Variants in CLEC16A observed in about 807,000 individuals in gnomAD.
CLEC16A encodes C-type lectin domain containing 16A.
A neutral mutation model predicts 109.5 loss-of-function variants in CLEC16A; 51 were observed. The observed-to-expected ratio is 0.47, with a 90% CI of 0.37 to 0.59. The LOEUF is 0.59. Ranked by LOEUF, CLEC16A falls within the 20% of genes least tolerant of loss-of-function variation. CLEC16A has a pLI of 0.00. For synonymous variants in CLEC16A, 673 were observed against 564.2 expected, an observed-to-expected ratio of 1.19 and a Z score of -2.73; for missense variants, 1,339 against 1,394.0, an observed-to-expected ratio of 0.96 and a Z score of 0.63.
intron 22 of CLEC16A, among the ~76,000 whole-genome samples, chr16:11,127,848 C>A (rs1281808599): frequency 6.6e-6 from 1 of 152,048 alleles, no homozygotes; most frequent in African/African-American, 2.4e-5. Context: ...CCAGCCTGGG[C>A]AACAGAGTGA....
At chr16:10,968,893 A>G (rs1194212484) in intron 3 of CLEC16A, among the ~76,000 whole-genome samples, 1 of 152,290 alleles carries the variant, frequency 6.6e-6, no homozygotes, top group Non-Finnish European at 1.5e-5. Context: ...CATCAATGAA[A>G]AGAAAATGTT....
intron 22 of CLEC16A, among the ~76,000 whole-genome samples, chr16:11,160,692 C>T (rs2054693338): frequency 6.6e-6 from 1 of 152,212 alleles, no homozygotes; most frequent in African/African-American, 2.4e-5. Context: ...AGTTCAACTA[C>T]ATAGTAAAGA....
At chr16:11,025,410 C>T (rs1017193862) in intron 13 of CLEC16A, among the ~76,000 whole-genome samples, 11 of 152,158 alleles carry the variant, frequency 7.2e-5, no homozygotes, top group Admixed American at 2.0e-4. Flanking sequence ...CTGGCTTCCC[C>T]TATTAAGGCT....
chr16:11,105,994 A>G (rs2051197015), intron 19 of CLEC16A, among the ~76,000 whole-genome samples: 1 of 152,180 alleles, frequency 6.6e-6, no homozygotes, highest in Non-Finnish European at 1.5e-5. Flanking sequence ...AATCCTTGCT[A>G]TTCAACTTGG....
rs374911962 is a variant in CLEC16A at position 11,051,716 on chromosome 16, C to T, written c.1995+75C>T. The T allele has an allele frequency of 2.0e-5, 31 of 1,568,860 alleles. 1 individual carries two copies. In the East Asian group the frequency reaches 2.5e-4, roughly 13 times the overall value. ...CACTCCCAGACCAGGGAGGAAAGGG[C>T]TTCTTTGTCAAAGTCAAGAGCCTGC... On this transcript the variant is annotated intron_variant, in intron 18 of 23. Coordinates refer to ENST00000409790, the MANE Select transcript of CLEC16A (RefSeq NM_015226.3).
intron 19 of CLEC16A, among the ~76,000 whole-genome samples, chr16:11,094,736 G>C (rs2050507892): frequency 6.6e-6 from 1 of 152,198 alleles, no homozygotes; most frequent in Non-Finnish European, 1.5e-5. Context: ...CTGCCGTGTA[G>C]TTTCTAATGT....
At chr16:11,091,991 G>A (rs1466323679) in intron 19 of CLEC16A, among the ~76,000 whole-genome samples, 3 of 152,116 alleles carry the variant, frequency 2.0e-5, no homozygotes, top group Non-Finnish European at 4.4e-5. Context: ...TCTCACTGTA[G>A]GGTCTGCTTG....
intron 2 of CLEC16A, 67 bp downstream of exon 2, chr16:10,957,977 A>C: frequency 3.4e-6 from 5 of 1,491,328 alleles, no homozygotes; most frequent in East Asian, 2.3e-5. Context: ...AATGTATACT[A>C]TGAGTCATTC....
chr16:10,994,151 A>G (rs2044193851), intron 10 of CLEC16A, among the ~76,000 whole-genome samples: 1 of 152,194 alleles, frequency 6.6e-6, no homozygotes, highest in Non-Finnish European at 1.5e-5. Flanking sequence ...CTGGTAATTC[A>G]TGGAGAAGAA....
intron 16 of CLEC16A, among the ~76,000 whole-genome samples, chr16:11,044,963 G>T (rs1304701480): frequency 6.8e-6 from 1 of 147,528 alleles, no homozygotes. Context: ...CCGTGGTTTT[G>T]TTTTAGCTTT....
intron 19 of CLEC16A, among the ~76,000 whole-genome samples, chr16:11,082,073 T>A (rs1353548266): frequency 1.3e-5 from 2 of 152,212 alleles, no homozygotes; most frequent in African/African-American, 4.8e-5. Context: ...GAAAACATTC[T>A]GATTCAGGCC....
At chr16:11,162,133 C>T (rs1423560440) in intron 22 of CLEC16A, among the ~76,000 whole-genome samples, 5 of 152,190 alleles carry the variant, frequency 3.3e-5, no homozygotes, top group African/African-American at 9.7e-5. Flanking sequence ...AATGCCAGAG[C>T]GTTATTCATT....
intron 22 of CLEC16A, among the ~76,000 whole-genome samples, chr16:11,135,786 G>A (rs1460554898): frequency 1.3e-5 from 2 of 152,254 alleles, no homozygotes; most frequent in Admixed American, 1.3e-4. Context: ...AGCCATGCCG[G>A]CAGCACAGCA....
intron 13 of CLEC16A, chr16:11,027,221 G>A (rs1040208900): frequency 1.1e-4 from 164 of 1,448,260 alleles, no homozygotes; most frequent in Non-Finnish European, 1.5e-4. Context: ...AACCTGACAA[G>A]GTGCATCTCA....
intron 13 of CLEC16A, chr16:11,027,029 G>T: frequency 6.4e-7 from 1 of 1,570,078 alleles, no homozygotes. Flanking sequence ...GAAAGATGGC[G>T]GAGGAAGAGC....
At chr16:11,099,444 G>A (rs562031935) in intron 19 of CLEC16A, among the ~76,000 whole-genome samples, 1 of 152,254 alleles carries the variant, frequency 6.6e-6, no homozygotes, top group Non-Finnish European at 1.5e-5. Flanking sequence ...AACGGAAAAA[G>A]GATATTTAAT....
At chr16:11,134,336 G>A (rs1597507727) in intron 22 of CLEC16A, among the ~76,000 whole-genome samples, 1 of 152,148 alleles carries the variant, frequency 6.6e-6, no homozygotes, top group Non-Finnish European at 1.5e-5. Context: ...GCTATAATTT[G>A]GAAGAATTAA....
Position 10,982,971 on chromosome 16 carries a change from C to A in CLEC16A, c.1051C>A (p.Gln351Lys). Residue 351 changes from glutamine to lysine, a missense_variant, in exon 10 of 24, where the codon CAG (glutamine) becomes AAG (lysine). Coordinates refer to ENST00000409790, the MANE Select transcript of CLEC16A (RefSeq NM_015226.3). ...GTCTGAGATGTACGCTAAGACTGAA[C>A]AGGATATTCAGAGAAGTTCTGTAAG... The part of the protein sequence containing the change: ...DLSEMYAKTE[Q>K]DIQRSSAKPS... 6.2e-7 allele frequency: 1 copy of A among 1,605,154 alleles called. No homozygotes were observed. The highest frequency in any genetic ancestry group is 1.1e-5 in the South Asian group (1 of 90,876).
At chr16:11,043,911 T>C in intron 15 of CLEC16A, 117 bp from the exon 16 acceptor site, 1 of 656,226 alleles carries the variant, frequency 1.5e-6, no homozygotes, top group Non-Finnish European at 2.5e-6. Context: ...TTTTATACAT[T>C]AAGGATATTA....
Sources: allele counts gnomAD v4.1 joint callset (sites outside exome capture counted in the v4.1 genomes callset), GRCh38; gene constraint gnomAD v4.1.1; transcripts MANE v1.5; gene names NCBI Gene and HGNC (gene_info 2026-07-23, HGNC 2026-07-21).